The following FAM168B variants were observed in gnomAD, a reference collection of about 807,000 sequenced individuals.
FAM168B encodes myelin-associated neurite-outgrowth inhibitor.
Under a neutral mutation model 21.8 loss-of-function variants are expected in FAM168B, and 19 were observed. That is an observed-to-expected ratio of 0.87 (90% CI 0.61 to 1.28). The LOEUF is 1.28. FAM168B is among the 50% of genes most tolerant of loss of function. The probability of loss-of-function intolerance (pLI) is 0.00; values close to 1 mark genes in which losing one functional copy is unlikely to be tolerated. For missense variants in FAM168B, 233 were observed against 263.1 expected (o/e 0.89, Z 0.79); for synonymous variants, 126 against 104.8 (o/e 1.20, Z -1.24).
Position 131,049,696 on chromosome 2 carries a change from T to C in FAM168B, c.*2769A>G, listed in dbSNP as rs2105441965. 1 of 985,840 alleles carries C rather than the reference T, an allele frequency of 1.0e-6. No individual in the cohort carries two copies. The highest frequency in any genetic ancestry group is 5.2e-4 in the Middle Eastern group (1 of 1,914). The allele number at this position is 985,840 out of a possible 1,614,324, so 61.1% of individuals were successfully genotyped here. A position where few individuals can be genotyped will look rare whatever the true frequency, so the allele number is the denominator to read the frequency against. ...CCATGTTTACATGAACTAGGTCCTT[T>C]GCTTACCTGCTGTCTCAACTTCTAA... On this transcript the variant is annotated 3_prime_UTR_variant, in exon 7 of 7. Transcript: ENST00000389915.
chr2:131,077,212 T>TAAAAA, intron 2 of FAM168B, among the ~76,000 whole-genome samples: 1 of 130,280 alleles, frequency 7.7e-6, no homozygotes, highest in Non-Finnish European at 1.7e-5. Flanking sequence ...CTATTACATT[T>TAAAAA]AAAAAAAAAA....
In FAM168B at chr2:131,050,837, A is replaced by G; in HGVS notation, c.*1628T>C. ...GAGCCCCCTCCCCACCAGAGCCCACAGCACTCAAACCACCACTGCACTGGG... is the reference window on the plus strand; with the variant it reads ...GAGCCCCCTCCCCACCAGAGCCCACGGCACTCAAACCACCACTGCACTGGG... On this transcript the variant is annotated 3_prime_UTR_variant, in exon 7 of 7. Transcript: ENST00000389915. 3.0e-6 allele frequency: 3 copies of G among 985,436 alleles called. No homozygotes were observed. The highest frequency in any genetic ancestry group is 3.6e-6 in the Non-Finnish European group (3 of 829,990). 61.0% of individuals were successfully genotyped at this position (985,436 alleles called of 1,614,324 possible).
chr2:131,057,116 T>C (rs1692066850), intron 3 of FAM168B, among the ~76,000 whole-genome samples: 2 of 152,316 alleles, frequency 1.3e-5, no homozygotes, highest in South Asian at 2.1e-4. Context: ...ACTCACACAC[T>C]GTCCGTGTCA....
intron 1 of FAM168B, among the ~76,000 whole-genome samples, chr2:131,090,045 C>T (rs1464977084): frequency 6.2e-5 from 9 of 144,908 alleles, no homozygotes; most frequent in South Asian, 2.2e-4. Context: ...AAGAGGCCGG[C>T]GCAGTGGCTC....
Position 131,049,690 on chromosome 2 carries a change from G to A in FAM168B, c.*2775C>T. On this transcript the variant is annotated 3_prime_UTR_variant, in exon 7 of 7. Coordinates refer to ENST00000389915, the MANE Select transcript of FAM168B (RefSeq NM_001009993.4). ...TGATGTCCATGTTTACATGAACTAGGTCCTTTGCTTACCTGCTGTCTCAAC... is the reference window on the plus strand; with the variant it reads ...TGATGTCCATGTTTACATGAACTAGATCCTTTGCTTACCTGCTGTCTCAAC... The A allele has an allele frequency of 2.0e-6, 2 of 985,730 alleles. No individual in the cohort carries two copies. Among genetic ancestry groups the A allele is most frequent in the Non-Finnish European group, 2.4e-6 (2 of 829,926 alleles). 61.1% of individuals were successfully genotyped at this position (985,730 alleles called of 1,614,324 possible). A position where few individuals can be genotyped will look rare whatever the true frequency, so the allele number is the denominator to read the frequency against.
At chr2:131,078,772 G>A (rs1693291043) in intron 2 of FAM168B, among the ~76,000 whole-genome samples, 1 of 151,402 alleles carries the variant, frequency 6.6e-6, no homozygotes, top group Admixed American at 6.6e-5. Flanking sequence ...GATGAGCACA[G>A]GAGTTTGAGA....
Position 131,071,955 on chromosome 2 carries a change from A to G in FAM168B, c.71-17T>C. The G allele has an allele frequency of 6.2e-7, 1 of 1,610,450 alleles. No individual in the cohort carries two copies. Among genetic ancestry groups the G allele is most frequent in the Non-Finnish European group, 8.5e-7 (1 of 1,177,464 alleles). Reference sequence around the variant, plus strand: ...GAAAACCAGCTGAAGAAAAATAAAGAACAATCTCATGTCATCAACTGAAGT... The same window carrying G: ...GAAAACCAGCTGAAGAAAAATAAAGGACAATCTCATGTCATCAACTGAAGT... On this transcript the variant is annotated splice_polypyrimidine_tract_variant and intron_variant, in intron 2 of 6. Transcript: ENST00000389915.
At chr2:131,074,995 T>A (rs1483063805) in intron 2 of FAM168B, among the ~76,000 whole-genome samples, 1 of 152,136 alleles carries the variant, frequency 6.6e-6, no homozygotes, top group Non-Finnish European at 1.5e-5. Context: ...GATCCCCCTC[T>A]ACCTCAGCAG....
intron 1 of FAM168B, among the ~76,000 whole-genome samples, chr2:131,091,642 G>A (rs866833399): frequency 1.3e-5 from 2 of 149,766 alleles, no homozygotes; most frequent in African/African-American, 2.5e-5. Context: ...GCGACACTCC[G>A]TCTCACAAAA....
chr2:131,086,388 A>G (rs538910027), intron 1 of FAM168B, among the ~76,000 whole-genome samples: 1 of 152,328 alleles, frequency 6.6e-6, no homozygotes, highest in East Asian at 1.9e-4. Flanking sequence ...AGCGCTGTCC[A>G]ACAGAACTGT....
rs1691711884 is a variant in FAM168B at position 131,052,055 on chromosome 2, G to T, written c.*410C>A. On this transcript the variant is annotated 3_prime_UTR_variant, in exon 7 of 7. Transcript: ENST00000389915. ...AAGACTTTGCATACATTACAACAGT[G>T]CATTAGTGATACAAGTTGTAAAATA... 2.0e-6 allele frequency: 2 copies of T among 985,758 alleles called. No homozygotes were observed. Among genetic ancestry groups the T allele is most frequent in the East Asian group, 1.1e-4 (1 of 8,824 alleles). 61.1% of individuals were successfully genotyped at this position (985,758 alleles called of 1,614,324 possible).
rs533360958 is a variant in FAM168B at position 131,055,218 on chromosome 2, T to TC, written c.475+53dup. The TC allele has an allele frequency of 2.6e-3, 3,717 of 1,412,510 alleles. 10 individuals are homozygous for TC. Among genetic ancestry groups the TC allele is most frequent in the Non-Finnish European group, 2.9e-3 (3,077 of 1,079,030 alleles). 87.5% of individuals were successfully genotyped at this position (1,412,510 alleles called of 1,614,324 possible). A position where few individuals can be genotyped will look rare whatever the true frequency, so the allele number is the denominator to read the frequency against. On this transcript the variant is annotated intron_variant, in intron 5 of 6. Transcript: ENST00000389915. ...GTCAGAGGATTCGTGAGCTCTCCCCTCCCCCAGCTCTAGGGTACACCATAG... is the reference window on the plus strand; with the variant it reads ...GTCAGAGGATTCGTGAGCTCTCCCCTCCCCCCAGCTCTAGGGTACACCATAG...
intron 3 of FAM168B, among the ~76,000 whole-genome samples, chr2:131,058,995 G>A (rs186603912): frequency 4.6e-5 from 7 of 152,136 alleles, no homozygotes; most frequent in Non-Finnish European, 7.4e-5. Context: ...AGGAGACCCG[G>A]GACAGTCCAA....
intron 1 of FAM168B, among the ~76,000 whole-genome samples, chr2:131,091,915 G>A (rs941417170): frequency 6.6e-6 from 1 of 151,018 alleles, no homozygotes; most frequent in African/African-American, 2.4e-5. Flanking sequence ...GGATCACGAG[G>A]TCAGGAGATT....
At chr2:131,056,058 A>C (rs184534148) in intron 3 of FAM168B, among the ~76,000 whole-genome samples, 1 of 152,304 alleles carries the variant, frequency 6.6e-6, no homozygotes, top group Admixed American at 6.5e-5. Context: ...ATGCCTTTTA[A>C]TCCCACAATT....
At chr2:131,086,917 T>C (rs1693733442) in intron 1 of FAM168B, among the ~76,000 whole-genome samples, 1 of 126,160 alleles carries the variant, frequency 7.9e-6, no homozygotes. Context: ...TACAAAAAAT[T>C]AGCCGGGCGA....
At chr2:131,065,006 G>A (rs1692483480) in intron 3 of FAM168B, among the ~76,000 whole-genome samples, 1 of 152,190 alleles carries the variant, frequency 6.6e-6, no homozygotes, top group Non-Finnish European at 1.5e-5. Flanking sequence ...CTGCAACAGG[G>A]CACAGGACAA....
At chr2:131,075,383 CAAT>C (rs1429691999) in intron 2 of FAM168B, among the ~76,000 whole-genome samples, 2 of 151,976 alleles carry the variant, frequency 1.3e-5, no homozygotes, top group Non-Finnish European at 2.9e-5. Flanking sequence ...AAAACTCTAC[CAAT>C]ATATTCTCAT....
At chr2:131,073,418 T>C (rs1267069125) in intron 2 of FAM168B, among the ~76,000 whole-genome samples, 1 of 152,194 alleles carries the variant, frequency 6.6e-6, no homozygotes, top group African/African-American at 2.4e-5. Flanking sequence ...GATCCCCAAC[T>C]TCTCCAGCAT....
Sources: allele counts gnomAD v4.1 joint callset (sites outside exome capture counted in the v4.1 genomes callset), GRCh38; gene constraint gnomAD v4.1.1; transcripts MANE v1.5; gene names NCBI Gene and HGNC (gene_info 2026-07-23, HGNC 2026-07-21).